Variants in CSMD1 observed in about 807,000 individuals in gnomAD.
CSMD1 encodes the protein CUB and Sushi multiple domains 1.
In CSMD1, 213 loss-of-function variants were observed where a neutral mutation model predicts 417.5. The ratio of observed to expected loss-of-function variants is 0.51; its 90% confidence interval spans 0.46 to 0.57. CSMD1 has a LOEUF of 0.57. Ranked by LOEUF, CSMD1 falls within the 20% of genes least tolerant of loss-of-function variation. The pLI is 0.00. For missense variants in CSMD1, 6,923 were observed against 4,529.7 expected (o/e 1.53, Z -15.17); for synonymous variants, 2,862 against 1,736.8 (o/e 1.65, Z -16.11).
At chr8:4,648,671 C>G (rs1231370482) in intron 1 of CSMD1, among the ~76,000 whole-genome samples, 1 of 152,148 alleles carries the variant, frequency 6.6e-6, no homozygotes, top group African/African-American at 2.4e-5. Flanking sequence ...CCATGTTTCA[C>G]CTTTTACTGG....
intron 3 of CSMD1, among the ~76,000 whole-genome samples, chr8:4,324,131 G>A (rs925529993): frequency 6.6e-6 from 1 of 152,184 alleles, no homozygotes. Context: ...TGCCTTAACT[G>A]CTGCTGTGCA....
chr8:3,309,846 G>C (rs906275313), intron 23 of CSMD1, among the ~76,000 whole-genome samples: 3 of 152,176 alleles, frequency 2.0e-5, no homozygotes, highest in Non-Finnish European at 4.4e-5. Context: ...TGACTAATCA[G>C]GATTGAGATT....
intron 12 of CSMD1, among the ~76,000 whole-genome samples, chr8:3,466,994 G>A (rs543955415): frequency 2.0e-5 from 3 of 152,192 alleles, no homozygotes; most frequent in Non-Finnish European, 4.4e-5. Flanking sequence ...GATAACACAT[G>A]ACATTGAATT....
chr8:3,297,174 C>G (rs879423673), intron 25 of CSMD1, among the ~76,000 whole-genome samples: 4 of 152,034 alleles, frequency 2.6e-5, no homozygotes, highest in Admixed American at 2.0e-4. Context: ...ACAAATCATA[C>G]AAAAGCTAAA....
chr8:3,954,213 G>C (rs887125720), intron 5 of CSMD1, among the ~76,000 whole-genome samples: 4 of 152,170 alleles, frequency 2.6e-5, no homozygotes, highest in South Asian at 2.1e-4. Context: ...GCATAAAGGA[G>C]AAAAAGAGAC....
intron 5 of CSMD1, among the ~76,000 whole-genome samples, chr8:3,979,133 G>T (rs951748304): frequency 3.9e-5 from 6 of 152,192 alleles, no homozygotes; most frequent in South Asian, 2.1e-4. Context: ...GTGAAACATG[G>T]GGCCTCAGGC....
chr8:3,822,682 C>A (rs940969644), intron 5 of CSMD1, among the ~76,000 whole-genome samples: 1 of 152,164 alleles, frequency 6.6e-6, no homozygotes, highest in East Asian at 1.9e-4. Context: ...TTCACAGTCA[C>A]GGCAATGACT....
rs1280626520 is a variant in CSMD1 at position 4,994,685 on chromosome 8, C to A, written c.-269G>T. 7.7e-6 allele frequency: 3 copies of A among 388,996 alleles called. No homozygotes were observed. Among genetic ancestry groups the A allele is most frequent in the Non-Finnish European group, 1.4e-5 (3 of 216,846 alleles). 24.1% of individuals were successfully genotyped at this position (388,996 alleles called of 1,614,324 possible). On this transcript the variant is annotated 5_prime_UTR_variant, in exon 1 of 70. Transcript: ENST00000635120. ...GCCGGGGCCGGGGACGAGCGCCGGC[C>A]GAGCCGGGCAGGAAGGCACCAAGGC...
intron 5 of CSMD1, among the ~76,000 whole-genome samples, chr8:3,968,067 G>A (rs1469697556): frequency 6.7e-6 from 1 of 150,330 alleles, no homozygotes; most frequent in Non-Finnish European, 1.5e-5. Flanking sequence ...GGCGCCTGTA[G>A]TCCCAGCTCC....
chr8:3,341,996 G>A (rs764154315), intron 23 of CSMD1, among the ~76,000 whole-genome samples: 1 of 152,200 alleles, frequency 6.6e-6, no homozygotes. Flanking sequence ...ACATTTCTGA[G>A]AGGGAAATCC....
At chr8:3,418,228 G>A (rs1406631208) in intron 12 of CSMD1, among the ~76,000 whole-genome samples, 10 of 152,178 alleles carry the variant, frequency 6.6e-5, no homozygotes, top group Admixed American at 6.5e-4. Context: ...TGTGGCCCCA[G>A]TGTGAAATGC....
chr8:3,372,698 G>A (rs1266173716), intron 18 of CSMD1, among the ~76,000 whole-genome samples: 3 of 152,134 alleles, frequency 2.0e-5, no homozygotes, highest in African/African-American at 4.8e-5. Context: ...TAAGGCAGGC[G>A]TTCAGCTTTG....
intron 1 of CSMD1, among the ~76,000 whole-genome samples, chr8:4,987,149 G>C (rs1029255917): frequency 1.3e-5 from 2 of 152,110 alleles, no homozygotes; most frequent in Admixed American, 1.3e-4. Context: ...AGAATTACCT[G>C]GGATGGGCGT....
chr8:3,339,689 T>G (rs927004504), intron 23 of CSMD1, among the ~76,000 whole-genome samples: 2 of 152,230 alleles, frequency 1.3e-5, no homozygotes, highest in Non-Finnish European at 2.9e-5. Context: ...TACAGCTCTG[T>G]GGACCCTCAG....
At chr8:3,865,475 G>A (rs1404990108) in intron 5 of CSMD1, among the ~76,000 whole-genome samples, 1 of 152,058 alleles carries the variant, frequency 6.6e-6, no homozygotes, top group African/African-American at 2.4e-5. Flanking sequence ...AGAGATGGGA[G>A]GTGCTCTGGG....
chr8:3,944,848 T>C (rs1231614884), intron 5 of CSMD1, among the ~76,000 whole-genome samples: 1 of 152,208 alleles, frequency 6.6e-6, no homozygotes, highest in African/African-American at 2.4e-5. Context: ...GTTCTATGAG[T>C]TGGCCACAGC....
chr8:3,289,817 G>C (rs1261729199), intron 25 of CSMD1, among the ~76,000 whole-genome samples: 1 of 147,244 alleles, frequency 6.8e-6, no homozygotes, highest in African/African-American at 2.7e-5. Flanking sequence ...CTGTGCAGAA[G>C]CTCTTTAGTT....
At chr8:4,457,330 T>G (rs895870754) in intron 2 of CSMD1, among the ~76,000 whole-genome samples, 1 of 152,110 alleles carries the variant, frequency 6.6e-6, no homozygotes, top group South Asian at 2.1e-4. Flanking sequence ...GTAGAGTGCT[T>G]GGGACACCGG....
chr8:4,387,815 G>A (rs1006623610), intron 3 of CSMD1, among the ~76,000 whole-genome samples: 47 of 152,122 alleles, frequency 3.1e-4, no homozygotes, highest in Non-Finnish European at 3.5e-4. Flanking sequence ...ACTTCAAACC[G>A]TGTAGGTTTC....
Sources: gnomAD v4.1 joint callset for allele counts (sites outside exome capture counted in the v4.1 genomes callset) on GRCh38, gnomAD v4.1.1 for gene constraint, MANE v1.5 for transcripts, NCBI Gene and HGNC (gene_info 2026-07-23, HGNC 2026-07-21) for gene names.